TCF24: variants seen among roughly 807,000 people sequenced by gnomAD.
TCF24 encodes the protein transcription factor 24.
TCF24 carries 5 observed loss-of-function variants against 9.3 expected under a neutral mutation model. The ratio of observed to expected loss-of-function variants is 0.54; its 90% CI spans 0.28 to 1.13. The LOEUF (loss-of-function observed/expected upper bound fraction) is 1.13, where lower values mean the gene tolerates loss of function less well. Ranked by LOEUF, TCF24 falls within the 50% of genes most tolerant of loss-of-function variation. The pLI, the probability that TCF24 is intolerant of heterozygous loss-of-function variation, is 0.09. For missense variants in TCF24, 220 were observed against 236.1 expected (o/e 0.93, Z 0.45); for synonymous variants, 110 against 115.8 (o/e 0.95, Z 0.32).
chr8:66,948,680 T>TATC, intron 3 of TCF24, among the ~76,000 whole-genome samples: 1 of 150,952 alleles, frequency 6.6e-6, no homozygotes, highest in Admixed American at 6.6e-5. Flanking sequence ...TCTATCTATC[T>TATC]ATCTATCTAT....
Position 66,947,703 on chromosome 8 carries a change from C to T in TCF24, c.*348G>A, listed in dbSNP as rs1336092914. The T allele has an allele frequency of 6.2e-6, 1 of 160,674 alleles. No individual in the cohort carries two copies. Among genetic ancestry groups the T allele is most frequent in the Non-Finnish European group, 1.4e-5 (1 of 74,032 alleles). 10.0% of individuals were successfully genotyped at this position (160,674 alleles called of 1,614,324 possible). A position where few individuals can be genotyped will look rare whatever the true frequency, so the allele number is the denominator to read the frequency against. On this transcript the variant is annotated 3_prime_UTR_variant, in exon 4 of 4. Transcript: ENST00000563496. The stretch of plus-strand genomic sequence containing the variant: ...TTTTTATCTTTTTAAACTAGGAAGA[C>T]TGCACCAATAGATATGAACTTTTCT...
At chr8:66,948,698 TCTATCTA>T (rs879372266) in intron 3 of TCF24, among the ~76,000 whole-genome samples, 53 of 151,010 alleles carry the variant, frequency 3.5e-4, no homozygotes, top group African/African-American at 1.0e-3. Flanking sequence ...TATCTATCTA[TCTATCTA>T]TTTTTTTTGA....
intron 3 of TCF24, among the ~76,000 whole-genome samples, chr8:66,953,650 T>G (rs1257172493): frequency 6.6e-6 from 1 of 152,126 alleles, no homozygotes; most frequent in Non-Finnish European, 1.5e-5. Context: ...CCTGTCTTGC[T>G]AGATTGGGGA....
chr8:66,952,549 T>A (rs1814076369), intron 3 of TCF24, among the ~76,000 whole-genome samples: 1 of 151,482 alleles, frequency 6.6e-6, no homozygotes, highest in Non-Finnish European at 1.5e-5. Context: ...TGTGGTGTGG[T>A]GCTGAAAAAA....
rs919304470 is a variant in TCF24 at position 66,947,460 on chromosome 8, G to A, written c.*591C>T. 6.6e-6 allele frequency: 1 copy of A among 152,248 alleles called. No individual in the cohort carries two copies. The highest frequency in any genetic ancestry group is 1.5e-5 in the Non-Finnish European group (1 of 68,070). The allele number at this position is 152,248 out of a possible 1,614,324, so 9.4% of individuals were successfully genotyped here. On this transcript the variant is annotated 3_prime_UTR_variant, in exon 4 of 4. Coordinates refer to ENST00000563496, the MANE Select transcript of TCF24 (RefSeq NM_001193502.2). ...CAAGTTGCAAACACTGTAAGATACA[G>A]AATAACCCTCTAGGAAGGTGACCAA... is the stretch of plus-strand genomic sequence containing the variant.
chr8:66,951,716 T>C (rs1219302797), intron 3 of TCF24, among the ~76,000 whole-genome samples: 1 of 152,032 alleles, frequency 6.6e-6, no homozygotes, highest in Admixed American at 6.6e-5. Context: ...TGTGAATCCA[T>C]CTGGTCCTGG....
At chr8:66,949,631 G>T (rs1814024823) in intron 3 of TCF24, among the ~76,000 whole-genome samples, 2 of 152,106 alleles carry the variant, frequency 1.3e-5, no homozygotes, top group Non-Finnish European at 2.9e-5. Context: ...GTAATGGGAT[G>T]GCTGGGTCAA....
intron 3 of TCF24, among the ~76,000 whole-genome samples, chr8:66,957,053 C>T (rs916631841): frequency 5.3e-5 from 7 of 130,910 alleles, no homozygotes; most frequent in African/African-American, 2.1e-4. Flanking sequence ...GCGGAGGTTG[C>T]AGTAAGTCCA....
intron 3 of TCF24, among the ~76,000 whole-genome samples, chr8:66,961,175 C>T (rs1277705261): frequency 1.3e-5 from 2 of 152,254 alleles, no homozygotes; most frequent in Non-Finnish European, 2.9e-5. Context: ...GCCTCTCCAG[C>T]CACCTGTGAA....
chr8:66,959,893 A>G (rs1814226392), intron 3 of TCF24, among the ~76,000 whole-genome samples: 1 of 152,224 alleles, frequency 6.6e-6, no homozygotes, highest in Admixed American at 6.5e-5. Flanking sequence ...GACGCTTGCT[A>G]TGCTTATTAT....
intron 3 of TCF24, among the ~76,000 whole-genome samples, chr8:66,960,090 A>C (rs1277170217): frequency 6.6e-6 from 1 of 152,224 alleles, no homozygotes; most frequent in African/African-American, 2.4e-5. Flanking sequence ...ATGTCAAGTC[A>C]AAAGAAATTT....
intron 3 of TCF24, among the ~76,000 whole-genome samples, chr8:66,948,894 C>T (rs900209024): frequency 2.0e-5 from 3 of 152,078 alleles, no homozygotes; most frequent in Admixed American, 1.3e-4. Context: ...CAGGGTATTA[C>T]CACGCTGTCC....
intron 3 of TCF24, among the ~76,000 whole-genome samples, chr8:66,959,521 C>T (rs920638924): frequency 2.0e-4 from 31 of 152,162 alleles, no homozygotes; most frequent in African/African-American, 6.3e-4. Context: ...TCTGAACTTC[C>T]GTAGCACATA....
intron 3 of TCF24, among the ~76,000 whole-genome samples, chr8:66,954,338 T>C (rs1279167022): frequency 6.6e-6 from 1 of 151,812 alleles, no homozygotes; most frequent in African/African-American, 2.4e-5. Context: ...TGCAGGTCTG[T>C]TGGAATACCC....
In TCF24 at chr8:66,961,914, C is replaced by T; in HGVS notation, c.-61G>A. 1 of 630,508 alleles carries T rather than the reference C, an allele frequency of 1.6e-6. No individual in the cohort carries two copies. The highest frequency in any genetic ancestry group is 1.0e-4 in the East Asian group (1 of 9,686). The allele number at this position is 630,508 out of a possible 1,614,324, so 39.1% of individuals were successfully genotyped here. On this transcript the variant is annotated 5_prime_UTR_variant, in exon 2 of 4. Transcript: ENST00000563496. Reference sequence around the variant, plus strand: ...GGGGCTAAGGGCGCTCTCAAGCGAGCTCGTTTTGCCTGGGACGCGATTTGC... The same window carrying T: ...GGGGCTAAGGGCGCTCTCAAGCGAGTTCGTTTTGCCTGGGACGCGATTTGC...
At chr8:66,951,588 T>C (rs900206829) in intron 3 of TCF24, among the ~76,000 whole-genome samples, 12 of 152,230 alleles carry the variant, frequency 7.9e-5, no homozygotes, top group Non-Finnish European at 1.5e-4. Context: ...GGCTTTGGTA[T>C]CAGAATGATG....
rs1389834349 is a variant in TCF24 at position 66,961,407 on chromosome 8, A to G, written c.359T>C (p.Leu120Pro). The G allele has an allele frequency of 1.3e-6, 2 of 1,512,734 alleles. No individual in the cohort carries two copies. The highest frequency in any genetic ancestry group is 1.4e-5 in the African/African-American group (1 of 70,356). The allele number at this position is 1,512,734 out of a possible 1,614,324, so 93.7% of individuals were successfully genotyped here. Reference protein sequence around the residue: ...EAPADAGLGALRGDGYLHPVK... With the variant: ...EAPADAGLGAPRGDGYLHPVK... ...CGGGTGCAGGTAGCCATCGCCGCGC[A>G]GGGCGCCCAACCCGGCGTCCGCCGG... Residue 120 changes from leucine to proline, a missense_variant, in exon 3 of 4, where the codon CTG (leucine) becomes CCG (proline). Physicochemically the swap from Leu to Pro is moderately conservative, Grantham distance 98 (BLOSUM62 -3). Transcript: ENST00000563496.
intron 3 of TCF24, among the ~76,000 whole-genome samples, chr8:66,956,582 C>T (rs1218545910): frequency 2.0e-5 from 3 of 151,004 alleles, no homozygotes; most frequent in Admixed American, 6.6e-5. Context: ...AGGCTGGTCC[C>T]GAACTCCTGA....
At chr8:66,958,044 T>C (rs1319121334) in intron 3 of TCF24, among the ~76,000 whole-genome samples, 1 of 152,166 alleles carries the variant, frequency 6.6e-6, no homozygotes, top group Non-Finnish European at 1.5e-5. Context: ...TGCCTCCTTT[T>C]TCATGGATTA....
Sources: allele counts gnomAD v4.1 joint callset (sites outside exome capture counted in the v4.1 genomes callset), GRCh38; gene constraint gnomAD v4.1.1; transcripts MANE v1.5; gene names NCBI Gene and HGNC (gene_info 2026-07-23, HGNC 2026-07-21).